Variants in UNC13B observed in about 807,000 individuals in gnomAD.
The protein encoded by UNC13B is protein unc-13 homolog B.
Under a neutral mutation model 211.0 loss-of-function variants are expected in UNC13B, and 144 were observed. The observed-to-expected ratio is 0.68, with a 90% CI of 0.60 to 0.78. The LOEUF (loss-of-function observed/expected upper bound fraction) is 0.78, where lower values mean the gene tolerates loss of function less well. UNC13B is among the 30% of genes least tolerant of loss of function. The pLI, the probability that UNC13B is intolerant of heterozygous loss-of-function variation, is 0.00. For synonymous variants in UNC13B, 709 were observed against 725.8 expected (o/e 0.98, Z 0.37); for missense variants, 1,777 against 2,002.0 (o/e 0.89, Z 2.14).
chr9:35,371,438 C>G (rs1196557623), intron 13 of UNC13B, among the ~76,000 whole-genome samples: 4 of 151,804 alleles, frequency 2.6e-5, no homozygotes, highest in African/African-American at 9.7e-5. Context: ...CCTCAGCTTC[C>G]CAAAGTGCTG....
intron 7 of UNC13B, among the ~76,000 whole-genome samples, chr9:35,281,424 G>A (rs2031667): frequency 0.82 from 113,740 of 139,298 alleles, 44,193 homozygotes; most frequent in East Asian, 0.89. Context: ...AAAAAAAAAA[G>A]AGAGAGAGAG....
At chr9:35,384,679 C>T (rs1398906619) in intron 22 of UNC13B, 1 of 985,414 alleles carries the variant, frequency 1.0e-6, no homozygotes, top group South Asian at 4.7e-5. Context: ...TTTTTCCATA[C>T]TCTCCTCGTT....
intron 1 of UNC13B, among the ~76,000 whole-genome samples, chr9:35,225,848 G>A (rs1394251005): frequency 6.6e-6 from 1 of 152,106 alleles, no homozygotes; most frequent in African/African-American, 2.4e-5. Flanking sequence ...AGTGCCAGTG[G>A]CTGACCAAGT....
chr9:35,197,503 C>G (rs1399667767), intron 1 of UNC13B, among the ~76,000 whole-genome samples: 1 of 152,206 alleles, frequency 6.6e-6, no homozygotes, highest in African/African-American at 2.4e-5. Context: ...CCACTACACC[C>G]AGCCATTTTT....
At chr9:35,194,363 C>T (rs559831409) in intron 1 of UNC13B, among the ~76,000 whole-genome samples, 213 of 152,322 alleles carry the variant, frequency 1.4e-3, no homozygotes, top group African/African-American at 4.8e-3. Context: ...AACACCCCAT[C>T]AGGTGGTCAG....
intron 1 of UNC13B, among the ~76,000 whole-genome samples, chr9:35,225,342 G>A (rs564851102): frequency 3.3e-5 from 5 of 152,222 alleles, no homozygotes; most frequent in African/African-American, 1.2e-4. Flanking sequence ...TGTATTTTTA[G>A]TAGAGATGGG....
intron 1 of UNC13B, among the ~76,000 whole-genome samples, chr9:35,168,536 G>A (rs1405670110): frequency 5.9e-5 from 9 of 152,090 alleles, no homozygotes; most frequent in Admixed American, 5.9e-4. Flanking sequence ...CGGTGTCTCA[G>A]ATCAACATCC....
chr9:35,253,704 A>ATTACT (rs1319929053), intron 6 of UNC13B, among the ~76,000 whole-genome samples: 1 of 152,178 alleles, frequency 6.6e-6, no homozygotes, highest in Non-Finnish European at 1.5e-5. Flanking sequence ...ACCACACTGT[A>ATTACT]TTACTTTTCC....
chr9:35,313,197 G>A (rs1242255939), intron 10 of UNC13B, among the ~76,000 whole-genome samples: 1 of 152,098 alleles, frequency 6.6e-6, no homozygotes, highest in East Asian at 1.9e-4. Flanking sequence ...CTACCACATT[G>A]GGTAAATGAC....
chr9:35,185,171 T>C (rs1363352311), intron 1 of UNC13B, among the ~76,000 whole-genome samples: 2 of 152,230 alleles, frequency 1.3e-5, no homozygotes, highest in African/African-American at 4.8e-5. Context: ...CAAAAAGGGC[T>C]CAGATTGCCA....
At chr9:35,268,662 G>A (rs578038662) in intron 7 of UNC13B, among the ~76,000 whole-genome samples, 128 of 152,230 alleles carry the variant, frequency 8.4e-4, no homozygotes, top group Non-Finnish European at 1.6e-3. Context: ...TTATTTCCTC[G>A]TAATTAGATT....
In UNC13B at chr9:35,366,935, CTCTT is replaced by C; in HGVS notation, c.9415-10_9415-7del. ...TCCCAGGATCTAACTTGTTTCCTAT[CTCTT>C]TTTAAAGATTCCAGATGATGGTGAC... On this transcript the variant is annotated splice_region_variant and splice_polypyrimidine_tract_variant and intron_variant, in intron 11 of 39. Transcript: ENST00000635942. The C allele has an allele frequency of 6.2e-7, 1 of 1,613,036 alleles. No individual in the cohort carries two copies. Among genetic ancestry groups the C allele is most frequent in the Non-Finnish European group, 8.5e-7 (1 of 1,179,016 alleles).
intron 12 of UNC13B, 26 bp from the exon 13 acceptor site, chr9:35,370,292 C>G: frequency 6.2e-7 from 1 of 1,608,856 alleles, no homozygotes; most frequent in Non-Finnish European, 8.5e-7. Context: ...GACTGACGGT[C>G]CTGACATATT....
chr9:35,243,130 GT>G (rs1410165789), intron 5 of UNC13B, among the ~76,000 whole-genome samples, 160 bp from the exon 6 acceptor site: 3 of 152,134 alleles, frequency 2.0e-5, no homozygotes, highest in African/African-American at 7.2e-5. Flanking sequence ...TTTGTGAAGA[GT>G]AAAGATAATG....
intron 11 of UNC13B, among the ~76,000 whole-genome samples, chr9:35,345,089 T>C (rs901540616): frequency 6.6e-6 from 1 of 152,164 alleles, no homozygotes; most frequent in African/African-American, 2.4e-5. Flanking sequence ...ATGGGTTTTT[T>C]TGTGGTGGGG....
intron 11 of UNC13B, among the ~76,000 whole-genome samples, chr9:35,359,871 C>T (rs1833287366): frequency 6.6e-6 from 1 of 152,196 alleles, no homozygotes. Context: ...CTCCTCACAA[C>T]AATCAGAGTA....
chr9:35,361,058 G>A (rs1833380321), intron 11 of UNC13B: 1 of 152,154 alleles, frequency 6.6e-6, no homozygotes, highest in South Asian at 2.1e-4. Context: ...TCTTTTTATA[G>A]TTAAGGAAAT....
chr9:35,201,705 G>A lies in UNC13B; in HGVS notation c.23-26310G>A, dbSNP rs1443614737. 4.6e-5 allele frequency among the ~76,000 whole-genome samples: 7 copies of A among 151,216 alleles called. No individual in the cohort carries two copies. The South Asian group carries it at 6.3e-4, about 14-fold the overall frequency. On this transcript the variant is annotated intron_variant, in intron 1 of 39. Coordinates refer to ENST00000635942, the MANE Select transcript of UNC13B (RefSeq NM_001371189.2). Reference sequence around the variant, plus strand: ...TATCCCCTTTATCATTTTTTACTGCGTCTATTTGATTCTTCTCTCTTTTCT... The same window carrying A: ...TATCCCCTTTATCATTTTTTACTGCATCTATTTGATTCTTCTCTCTTTTCT...
chr9:35,268,695 C>A (rs1008777643), intron 7 of UNC13B, among the ~76,000 whole-genome samples: 1 of 152,144 alleles, frequency 6.6e-6, no homozygotes, highest in African/African-American at 2.4e-5. Flanking sequence ...CAGCTGATGT[C>A]AATTTGTCCC....
Sources: allele counts gnomAD v4.1 joint callset (sites outside exome capture counted in the v4.1 genomes callset), GRCh38; gene constraint gnomAD v4.1.1; transcripts MANE v1.5; gene names NCBI Gene and HGNC (gene_info 2026-07-23, HGNC 2026-07-21).